The following CDH6 variants were observed in gnomAD, a reference collection of about 807,000 sequenced individuals.
CDH6 encodes the protein cadherin 6, also known as cadherin-6.
A neutral mutation model predicts 78.0 loss-of-function variants in CDH6; 31 were observed. The observed-to-expected ratio is 0.40, with a 90% CI of 0.30 to 0.54. The LOEUF (loss-of-function observed/expected upper bound fraction) is 0.54, where lower values mean the gene tolerates loss of function less well. Among genes scored for constraint, CDH6 ranks in the 20% least tolerant of loss-of-function variants. The probability of loss-of-function intolerance (pLI) is 0.56; values close to 1 mark genes in which losing one functional copy is unlikely to be tolerated. For synonymous variants in CDH6, 376 were observed against 368.8 expected (o/e 1.02, Z -0.23); for missense variants, 724 against 975.9 (o/e 0.74, Z 3.44).
chr5:31,303,129 T>TA (rs1045213426), intron 6 of CDH6, among the ~76,000 whole-genome samples: 56 of 152,120 alleles, frequency 3.7e-4, no homozygotes, highest in Non-Finnish European at 5.7e-4. Context: ...ATGATATTCG[T>TA]AAAAATATAT....
At chr5:31,267,207 C>T in intron 1 of CDH6, 139 bp from the exon 2 acceptor site, 1 of 455,716 alleles carries the variant, frequency 2.2e-6, no homozygotes, top group Non-Finnish European at 3.9e-6. Context: ...AGACCGTCTC[C>T]TTCGTTTCAA....
At chr5:31,318,600 T>G in intron 11 of CDH6, 1 of 229,464 alleles carries the variant, frequency 4.4e-6, no homozygotes, top group East Asian at 6.3e-5. Context: ...CAAATGAAAT[T>G]TTTACCCCTA....
chr5:31,301,706 G>T (rs558177484), intron 5 of CDH6, among the ~76,000 whole-genome samples: 1 of 152,290 alleles, frequency 6.6e-6, no homozygotes, highest in African/African-American at 2.4e-5. Flanking sequence ...ACGGTAGAAA[G>T]AACTCTTTTA....
At chr5:31,194,850 T>C (rs775112308) in intron 1 of CDH6, among the ~76,000 whole-genome samples, 3 of 152,134 alleles carry the variant, frequency 2.0e-5, no homozygotes, top group Admixed American at 6.5e-5. Context: ...TCTTCCGTAG[T>C]TAGATATTCT....
chr5:31,320,148 C>T (rs1165645819), intron 11 of CDH6, among the ~76,000 whole-genome samples: 1 of 152,102 alleles, frequency 6.6e-6, no homozygotes, highest in African/African-American at 2.4e-5. Flanking sequence ...ATGTGTTTGC[C>T]CCATGTGCTT....
At chr5:31,321,599 A>G (rs56901894) in intron 11 of CDH6, among the ~76,000 whole-genome samples, 8 of 152,304 alleles carry the variant, frequency 5.3e-5, no homozygotes, top group African/African-American at 1.9e-4. Context: ...TCAACGGGTA[A>G]CCAATTATTA....
chr5:31,328,904 G>C lies in CDH6; in HGVS notation c.*5596G>C, dbSNP rs1446572960. The C allele has an allele frequency of 4.5e-6, 1 of 220,466 alleles. No individual in the cohort carries two copies. The highest frequency in any genetic ancestry group is 9.1e-6 in the Non-Finnish European group (1 of 110,050). The allele number at this position is 220,466 out of a possible 1,614,324, so 13.7% of individuals were successfully genotyped here. ...CCTGAGAAAGTTTTCTGTGTTAGAA[G>C]AATGGGGTCGAGAGTATTACCTTTT... On this transcript the variant is annotated 3_prime_UTR_variant, in exon 12 of 12. Coordinates refer to ENST00000265071, the MANE Select transcript of CDH6 (RefSeq NM_004932.4).
At chr5:31,247,995 G>T (rs149816856) in intron 1 of CDH6, among the ~76,000 whole-genome samples, 1 of 152,150 alleles carries the variant, frequency 6.6e-6, no homozygotes, top group Non-Finnish European at 1.5e-5. Flanking sequence ...ATAGTTCAAC[G>T]TAATTTAGTT....
intron 1 of CDH6, chr5:31,251,985 T>G (rs1741921578): frequency 6.6e-6 from 1 of 152,230 alleles, no homozygotes; most frequent in Non-Finnish European, 1.5e-5. Flanking sequence ...AAGCTGTATT[T>G]TCTAGACATT....
intron 1 of CDH6, among the ~76,000 whole-genome samples, chr5:31,226,597 A>T (rs4571485): frequency 6.6e-5 from 10 of 152,004 alleles, no homozygotes; most frequent in Non-Finnish European, 1.5e-4. Flanking sequence ...TTCACACAGC[A>T]TATTAGGGAA....
intron 1 of CDH6, among the ~76,000 whole-genome samples, chr5:31,214,543 C>T (rs934189352): frequency 6.6e-6 from 1 of 152,110 alleles, no homozygotes; most frequent in Non-Finnish European, 1.5e-5. Flanking sequence ...AGCATAGGCC[C>T]ATATGCTCAG....
intron 1 of CDH6, among the ~76,000 whole-genome samples, chr5:31,196,972 C>G (rs976442590): frequency 2.0e-4 from 30 of 152,006 alleles, no homozygotes; most frequent in Middle Eastern, 6.8e-3. Context: ...GCCCCCCAAC[C>G]AACAACAAGA....
chr5:31,317,018 C>A (rs1738343588), intron 9 of CDH6, among the ~76,000 whole-genome samples: 1 of 152,176 alleles, frequency 6.6e-6, no homozygotes, highest in African/African-American at 2.4e-5. Flanking sequence ...TTGCATCACT[C>A]AAGGCTAAAT....
Position 31,294,028 on chromosome 5 carries a change from G to A in CDH6, c.295G>A (p.Asp99Asn). 3 of 1,612,746 alleles carry A rather than the reference G, an allele frequency of 1.9e-6. No homozygotes were observed. The highest frequency in any genetic ancestry group is 1.7e-5 in the Admixed American group (1 of 59,942). ...KYILSGDGAG[D>N]LFIINENTGD... ...TATCCTTTCAGGAGATGGAGCAGGAGATCTCTTCATTATTAATGAAAACAC... is the reference window on the plus strand; with the variant it reads ...TATCCTTTCAGGAGATGGAGCAGGAAATCTCTTCATTATTAATGAAAACAC... The change falls in exon 3 of 12, where the codon GAT becomes AAT. Residue 99 changes from aspartate (D) to asparagine (N), a missense_variant. Coordinates refer to ENST00000265071, the MANE Select transcript of CDH6 (RefSeq NM_004932.4). This position sits in a 1 kb window ranked among gnomAD's most constrained non-coding sequence, Gnocchi z 4.1.
Position 31,305,195 on chromosome 5 carries a change from A to G in CDH6, c.1021A>G (p.Lys341Glu). 2 of 1,612,488 alleles carry G rather than the reference A, an allele frequency of 1.2e-6. No homozygotes were observed. Among genetic ancestry groups the G allele is most frequent in the Non-Finnish European group, 1.7e-6 (2 of 1,179,360 alleles). ...CAAGCTCTTGGACTTTGAAAAGAAG[A>G]AAGTGTATACCCTTAAAGTGGAAGC... ...VKKLLDFEKK[K>E]VYTLKVEASN... Residue 341 changes from lysine to glutamate, a missense_variant, in exon 7 of 12, where the codon AAA becomes GAA. Lys to Glu is a moderately conservative substitution (Grantham distance 56, BLOSUM62 1). This residue lies in a region of CDH6 where 446 missense variants were observed against 684.5 expected (regional missense o/e 0.65). Coordinates refer to ENST00000265071, the MANE Select transcript of CDH6 (RefSeq NM_004932.4).
intron 9 of CDH6, 59 bp downstream of exon 9, chr5:31,316,388 TC>T (rs1295849892): frequency 2.1e-6 from 3 of 1,444,024 alleles, no homozygotes; most frequent in Non-Finnish European, 2.9e-6. Flanking sequence ...GATCTTCTTA[TC>T]ATTCAGATGA....
Position 31,325,157 on chromosome 5 carries a change from G to A in CDH6, c.*1849G>A, listed in dbSNP as rs992437299. 2 of 227,958 alleles carry A rather than the reference G, an allele frequency of 8.8e-6. No homozygotes were observed. Among genetic ancestry groups the A allele is most frequent in the Non-Finnish European group, 1.7e-5 (2 of 114,896 alleles). 14.1% of individuals were successfully genotyped at this position (227,958 alleles called of 1,614,324 possible). A position where few individuals can be genotyped will look rare whatever the true frequency, so the allele number is the denominator to read the frequency against. On this transcript the variant is annotated 3_prime_UTR_variant, in exon 12 of 12. Coordinates refer to ENST00000265071, the MANE Select transcript of CDH6 (RefSeq NM_004932.4). ...AAAGAAGAGAAATGTAGTATTTTGG[G>A]TTACCTGATTAGAGTGAAAATTTTT...
rs939329547 is a variant in CDH6 at position 31,323,879 on chromosome 5, T to A, written c.*571T>A. On this transcript the variant is annotated 3_prime_UTR_variant, in exon 12 of 12. Coordinates refer to ENST00000265071, the MANE Select transcript of CDH6 (RefSeq NM_004932.4). ...ATTCAAAACCTCAAATCCACCCATA[T>A]GTTAAAATTCTCATTACTCTTAAGG... 8.7e-6 allele frequency: 2 copies of A among 229,582 alleles called. No individual in the cohort carries two copies. Among genetic ancestry groups the A allele is most frequent in the Non-Finnish European group, 8.6e-6 (1 of 115,888 alleles). The allele number at this position is 229,582 out of a possible 1,614,324, so 14.2% of individuals were successfully genotyped here.
intron 2 of CDH6, among the ~76,000 whole-genome samples, chr5:31,281,812 G>A (rs1742873523): frequency 6.6e-6 from 1 of 152,154 alleles, no homozygotes; most frequent in Non-Finnish European, 1.5e-5. Flanking sequence ...GGGTTGCTTT[G>A]ATGTGAATGA....
Sources: gnomAD v4.1 joint callset for allele counts (sites outside exome capture counted in the v4.1 genomes callset) on GRCh38, gnomAD v4.1.1 for gene constraint, gnomAD v4.1.1 regional missense constraint, Gnocchi (gnomAD v3.1) non-coding constraint, MANE v1.5 for transcripts, NCBI Gene and HGNC (gene_info 2026-07-23, HGNC 2026-07-21) for gene names.